Variants in PPFIA3 observed in about 807,000 individuals in gnomAD.
PPFIA3 encodes liprin-alpha-3.
Under a neutral mutation model 145.8 loss-of-function variants are expected in PPFIA3, and 26 were observed. The ratio of observed to expected loss-of-function variants is 0.18; its 90% CI spans 0.13 to 0.25. The LOEUF is 0.25. Ranked by LOEUF, PPFIA3 falls within the 10% of genes least tolerant of loss-of-function variation. The pLI is 1.00. For missense variants in PPFIA3, 1,008 were observed against 1,587.8 expected (o/e 0.63, Z 6.21); for synonymous variants, 645 against 661.4 (o/e 0.98, Z 0.38).
chr19:49,132,390 C>CAAAAAAAAAAAAA (rs11351172), intron 7 of PPFIA3, among the ~76,000 whole-genome samples: 15 of 43,674 alleles, frequency 3.4e-4, no homozygotes, highest in Non-Finnish European at 4.0e-4. Context: ...CTCTCTCTCT[C>CAAAAAAAAAAAAA]AAAAAAAAAA....
At position 49,134,170 on chromosome 19, in the gene PPFIA3, GC is replaced by G; in HGVS notation, c.1377+11del. The G allele has an allele frequency of 1.2e-6, 2 of 1,607,436 alleles. No homozygotes were observed. Among genetic ancestry groups the G allele is most frequent in the Non-Finnish European group, 1.7e-6 (2 of 1,177,384 alleles). ...ATGGGGGCGCTGGAGGAGAAGGTGC[GC>G]CCCCCATACAGGACTGCGGGACGCG... On this transcript the variant is annotated splice_donor_region_variant and intron_variant, in intron 11 of 29. Transcript: ENST00000334186.
chr19:49,137,140 A>G (rs2041148736), intron 15 of PPFIA3: 1 of 402,256 alleles, frequency 2.5e-6, no homozygotes, highest in East Asian at 3.6e-5. Flanking sequence ...CCATTCCCCA[A>G]CACACCAAAG....
rs767327420 is a variant in PPFIA3 at position 49,148,767 on chromosome 19, A to G, written c.3109+4A>G. Reference sequence around the variant, plus strand: ...GAAAGTCAGACCCAGATCCGAGGTGAGTAGAGCCTAAGGGTCCCTTTGGGA... The same window carrying G: ...GAAAGTCAGACCCAGATCCGAGGTGGGTAGAGCCTAAGGGTCCCTTTGGGA... On this transcript the variant is annotated splice_donor_region_variant and intron_variant, in intron 25 of 29. Coordinates refer to ENST00000334186, the MANE Select transcript of PPFIA3 (RefSeq NM_003660.4). The G allele has an allele frequency of 2.2e-5, 35 of 1,611,158 alleles. No homozygotes were observed. The South Asian group carries it at 3.7e-4, about 17-fold the overall frequency.
chr19:49,127,077 C>T (rs1383560883), intron 1 of PPFIA3, among the ~76,000 whole-genome samples: 1 of 93,780 alleles, frequency 1.1e-5, no homozygotes, highest in Non-Finnish European at 2.0e-5. Context: ...GACCTCATCT[C>T]CACAAAAAAA....
chr19:49,131,854 C>G (rs533758988), intron 7 of PPFIA3, among the ~76,000 whole-genome samples: 1 of 146,614 alleles, frequency 6.8e-6, no homozygotes, highest in South Asian at 2.2e-4. Flanking sequence ...ACTAAAAATA[C>G]AAAAAATTAG....
Position 49,149,334 on chromosome 19 carries a change from G to C in PPFIA3, c.3354+9G>C. 1.2e-6 allele frequency: 2 copies of C among 1,613,898 alleles called. No homozygotes were observed. The highest frequency in any genetic ancestry group is 1.1e-5 in the South Asian group (1 of 91,070). On this transcript the variant is annotated intron_variant, in intron 27 of 29. Coordinates refer to ENST00000334186, the MANE Select transcript of PPFIA3 (RefSeq NM_003660.4). This position sits in a 1 kb window ranked among gnomAD's most constrained non-coding sequence, Gnocchi z 5.7. ...ACAGGCGGCTGGACGAGGTGGGCGC[G>C]GCAACAGCTCAGAGGGCTCTGCTCC...
At chr19:49,141,254 C>T (rs1256418939) in intron 18 of PPFIA3, among the ~76,000 whole-genome samples, 166 bp from the exon 19 acceptor site, 1 of 152,214 alleles carries the variant, frequency 6.6e-6, no homozygotes, top group Admixed American at 6.5e-5. Flanking sequence ...TTGGGGATGA[C>T]TCCAATTCAT....
chr19:49,130,753 G>A lies in PPFIA3; in HGVS notation c.879+154G>A, dbSNP rs920093324. Among the ~76,000 whole-genome samples the A allele has an allele frequency of 3.3e-5, 5 of 152,232 alleles. No homozygotes were observed. Among genetic ancestry groups the A allele is most frequent in the Non-Finnish European group, 7.3e-5 (5 of 68,042 alleles). Reference sequence around the variant, plus strand: ...AGTTTTCCCACCTGTGAAAGGAAATGTATGATTCTCATCAGAGGGTGAGCC... The same window carrying A: ...AGTTTTCCCACCTGTGAAAGGAAATATATGATTCTCATCAGAGGGTGAGCC... On this transcript the variant is annotated intron_variant, in intron 7 of 29. Transcript: ENST00000334186. This position sits in a 1 kb window ranked among gnomAD's most constrained non-coding sequence, Gnocchi z 4.5.
At position 49,136,931 on chromosome 19, in the gene PPFIA3, C is replaced by G; in HGVS notation, c.1853+20C>G. On this transcript the variant is annotated intron_variant, in intron 15 of 29. Coordinates refer to ENST00000334186, the MANE Select transcript of PPFIA3 (RefSeq NM_003660.4). Reference sequence around the variant, plus strand: ...GATCAAGTGAGCCCTGGCCCCGCCCCGGCCTGCCCTGCCCTGCCGGAGCTG... The same window carrying G: ...GATCAAGTGAGCCCTGGCCCCGCCCGGGCCTGCCCTGCCCTGCCGGAGCTG... 2 of 1,491,652 alleles carry G rather than the reference C, an allele frequency of 1.3e-6. No homozygotes were observed. The highest frequency in any genetic ancestry group is 2.2e-5 in the Admixed American group (1 of 45,882). The allele number at this position is 1,491,652 out of a possible 1,614,324, so 92.4% of individuals were successfully genotyped here. A position where few individuals can be genotyped will look rare whatever the true frequency, so the allele number is the denominator to read the frequency against.
In PPFIA3 at chr19:49,146,058, T is replaced by G. The variant is rs374793211; in HGVS notation, c.2808+53T>G. 1.3e-3 allele frequency: 2,098 copies of G among 1,602,432 alleles called. 28 individuals carry two copies. The African/African-American group carries it at 0.024, about 18-fold the overall frequency. ...GGGTGGCACTAACCTTCTTTGGGGG[T>G]GGGGGCGGGGACCGAGTCTGTGGCC... is the stretch of plus-strand genomic sequence containing the variant. On this transcript the variant is annotated intron_variant, in intron 22 of 29. Transcript: ENST00000334186.
Position 49,150,141 on chromosome 19 carries a change from C to A in PPFIA3, c.*3C>A. On this transcript the variant is annotated 3_prime_UTR_variant, in exon 29 of 30. Transcript: ENST00000334186. ...CGGTCCGGACCTATTCCTGCTAGTG[C>A]AGGCCTCCAGGTGAGGACCGTGCTG... 6.2e-7 allele frequency: 1 copy of A among 1,608,340 alleles called. No homozygotes were observed. Among genetic ancestry groups the A allele is most frequent in the Non-Finnish European group, 8.5e-7 (1 of 1,177,860 alleles).
chr19:49,134,295 G>A, intron 11 of PPFIA3, 130 bp downstream of exon 11: 1 of 1,294,498 alleles, frequency 7.7e-7, no homozygotes, highest in Non-Finnish European at 1.1e-6. Flanking sequence ...CCTGAGTTGG[G>A]CAGCCTTCTC....
At chr19:49,126,735 C>G (rs1200405326) in intron 1 of PPFIA3, among the ~76,000 whole-genome samples, 1 of 151,948 alleles carries the variant, frequency 6.6e-6, no homozygotes, top group East Asian at 1.9e-4. Flanking sequence ...ATCCTGGGTC[C>G]CTTGGCCCTG....
At chr19:49,148,307 CAG>C in intron 24 of PPFIA3, 49 bp downstream of exon 24, 2 of 1,566,962 alleles carry the variant, frequency 1.3e-6, no homozygotes, top group Non-Finnish European at 8.7e-7. Flanking sequence ...AGCCCCACCC[CAG>C]AGAGTCTTTG....
chr19:49,145,119 T>C (rs925514651), intron 21 of PPFIA3, among the ~76,000 whole-genome samples: 7 of 152,060 alleles, frequency 4.6e-5, no homozygotes, highest in Admixed American at 3.9e-4. Context: ...TTAGTAGAGA[T>C]AGGGTTTCAC....
rs759813629 is a variant in PPFIA3, at chr19:49,128,475, G to A, written c.342+7G>A. 3.1e-6 allele frequency: 5 copies of A among 1,610,874 alleles called. No homozygotes were observed. Among genetic ancestry groups the A allele is most frequent in the South Asian group, 1.1e-5 (1 of 90,952 alleles). ...GGAACGGAACAACACGCGGGTGAGGGGTGTTGAGGGCGGGGCCTAAGTGGG... is the reference window on the plus strand; with the variant it reads ...GGAACGGAACAACACGCGGGTGAGGAGTGTTGAGGGCGGGGCCTAAGTGGG... On this transcript the variant is annotated splice_region_variant and intron_variant, in intron 3 of 29. Coordinates refer to ENST00000334186, the MANE Select transcript of PPFIA3 (RefSeq NM_003660.4). The surrounding 1 kb of genome is among the most constrained non-coding windows in gnomAD (Gnocchi z 4.1).
intron 1 of PPFIA3, among the ~76,000 whole-genome samples, chr19:49,124,282 C>A (rs1363554665): frequency 6.6e-6 from 1 of 151,950 alleles, no homozygotes; most frequent in Non-Finnish European, 1.5e-5. Flanking sequence ...TGGTCTCAAA[C>A]CCCTGGGCTC....
intron 15 of PPFIA3, 91 bp from the exon 16 acceptor site, chr19:49,138,114 A>T (rs2041163435): frequency 2.8e-6 from 4 of 1,429,660 alleles, no homozygotes; most frequent in Admixed American, 2.7e-5. Context: ...CCATTGCCCC[A>T]CCAGGCCTTT....
chr19:49,123,796 T>G (rs1051064662), intron 1 of PPFIA3, among the ~76,000 whole-genome samples: 4 of 152,200 alleles, frequency 2.6e-5, no homozygotes, highest in Admixed American at 6.5e-5. Context: ...AATGTTTTCC[T>G]TCCCCCGGTT....
Sources: allele counts gnomAD v4.1 joint callset (sites outside exome capture counted in the v4.1 genomes callset), GRCh38; gene constraint gnomAD v4.1.1; non-coding constraint Gnocchi (gnomAD v3.1); transcripts MANE v1.5; gene names NCBI Gene and HGNC (gene_info 2026-07-23, HGNC 2026-07-21).